The following TAFA2 variants were observed in gnomAD, a reference collection of about 807,000 sequenced individuals.
TAFA2 encodes the protein chemokine-like protein TAFA-2.
In TAFA2, 7 loss-of-function variants were observed where a neutral mutation model predicts 18.8. The ratio of observed to expected loss-of-function variants is 0.37; its 90% CI spans 0.21 to 0.70. TAFA2 has a LOEUF of 0.70. Ranked by LOEUF, TAFA2 falls within the 30% of genes least tolerant of loss-of-function variation. The pLI, the probability that TAFA2 is intolerant of heterozygous loss-of-function variation, is 0.53. For missense variants in TAFA2, 122 were observed against 158.1 expected, an observed-to-expected ratio of 0.77 and a Z score of 1.23; for synonymous variants, 60 against 54.2, an observed-to-expected ratio of 1.11 and a Z score of -0.47.
intron 1 of TAFA2, among the ~76,000 whole-genome samples, chr12:62,088,341 C>T (rs1868544674): frequency 6.6e-6 from 1 of 151,446 alleles, no homozygotes; most frequent in South Asian, 2.1e-4. Flanking sequence ...TTGAATTAGC[C>T]AACTAAAAGA....
intron 4 of TAFA2, among the ~76,000 whole-genome samples, chr12:61,731,753 G>A (rs888877128): frequency 6.6e-5 from 10 of 152,010 alleles, no homozygotes; most frequent in South Asian, 4.1e-4. Context: ...TTGAGGACAC[G>A]GAACCTCAGA....
chr12:62,061,930 G>T (rs348660), intron 1 of TAFA2, among the ~76,000 whole-genome samples: 55,157 of 151,898 alleles, frequency 0.36, 10,234 homozygotes, highest in African/African-American at 0.42. Flanking sequence ...CGGAGAAGAC[G>T]CAGCACCAAG....
intron 1 of TAFA2, among the ~76,000 whole-genome samples, chr12:61,919,620 C>T (rs899337663): frequency 6.6e-6 from 1 of 152,020 alleles, no homozygotes; most frequent in Admixed American, 6.6e-5. Flanking sequence ...TCAATACAAT[C>T]TTCCTGATCA....
chr12:62,168,532 T>C lies in TAFA2; in HGVS notation c.-2+22727A>G, dbSNP rs73315685. Among the ~76,000 whole-genome samples, 1,309 of 152,068 alleles carry C rather than the reference T, an allele frequency of 8.6e-3. 18 individuals are homozygous for C. Among genetic ancestry groups the C allele is most frequent in the African/African-American group, 0.03 (1,260 of 41,538 alleles). On this transcript the variant is annotated intron_variant, in intron 1 of 4. Transcript: ENST00000416284. The stretch of plus-strand genomic sequence containing the variant: ...AAGGAAAAAAGATATGAGGGGGAAG[T>C]ACAGGCCAACAGTTATTTAAGGCCA...
chr12:62,102,511 T>C (rs11174319), intron 1 of TAFA2, among the ~76,000 whole-genome samples: 8,445 of 152,268 alleles, frequency 0.055, 335 homozygotes, highest in South Asian at 0.091. Flanking sequence ...TTCCACATTG[T>C]TGCACCATAG....
At chr12:61,882,942 T>C (rs754748068) in intron 1 of TAFA2, among the ~76,000 whole-genome samples, 11 of 152,122 alleles carry the variant, frequency 7.2e-5, no homozygotes, top group Non-Finnish European at 1.2e-4. Flanking sequence ...TAAAAAAGTG[T>C]CTCTCAAGTT....
intron 1 of TAFA2, among the ~76,000 whole-genome samples, chr12:62,174,330 A>C (rs981347026): frequency 1.1e-4 from 16 of 150,404 alleles, no homozygotes; most frequent in African/African-American, 3.6e-4. Flanking sequence ...AAAAAGAAGA[A>C]GAAGGAAACG....
intron 1 of TAFA2, among the ~76,000 whole-genome samples, chr12:61,933,084 G>GA (rs1877628023): frequency 6.6e-6 from 1 of 152,078 alleles, no homozygotes; most frequent in Non-Finnish European, 1.5e-5. Context: ...TCTACATAGT[G>GA]AAAAAAGACC....
chr12:61,804,085 C>A (rs757226626), intron 2 of TAFA2, among the ~76,000 whole-genome samples: 1 of 151,930 alleles, frequency 6.6e-6, no homozygotes, highest in Non-Finnish European at 1.5e-5. Context: ...GATTCCTAGT[C>A]AAAATTCTTA....
intron 2 of TAFA2, among the ~76,000 whole-genome samples, chr12:61,786,072 T>C (rs1211030346): frequency 6.6e-6 from 1 of 151,512 alleles, no homozygotes; most frequent in Non-Finnish European, 1.5e-5. Flanking sequence ...CTAATCAGCA[T>C]TTGCTTATGA....
At chr12:61,717,123 C>A (rs1355293910) in intron 4 of TAFA2, among the ~76,000 whole-genome samples, 3 of 152,126 alleles carry the variant, frequency 2.0e-5, no homozygotes, top group South Asian at 4.2e-4. Flanking sequence ...GTGCTAAATG[C>A]GCAATTAAAA....
At chr12:61,885,016 A>G (rs1479000587) in intron 1 of TAFA2, among the ~76,000 whole-genome samples, 2 of 151,714 alleles carry the variant, frequency 1.3e-5, no homozygotes, top group African/African-American at 4.8e-5. Context: ...TGTAGGAAGC[A>G]TCTAAATTTA....
At chr12:61,964,170 G>T (rs1386826538) in intron 1 of TAFA2, among the ~76,000 whole-genome samples, 3 of 151,978 alleles carry the variant, frequency 2.0e-5, no homozygotes, top group African/African-American at 7.2e-5. Context: ...CATGGGCAAA[G>T]ACTTCATGAC....
chr12:61,923,594 C>G (rs1565682809), intron 1 of TAFA2, among the ~76,000 whole-genome samples: 1 of 152,090 alleles, frequency 6.6e-6, no homozygotes, highest in Admixed American at 6.5e-5. Context: ...TCACCAACAT[C>G]AAAGACCAAA....
At chr12:62,208,064 A>G (rs2062699459) in intron 1 of TAFA2, among the ~76,000 whole-genome samples, 1 of 152,194 alleles carries the variant, frequency 6.6e-6, no homozygotes. Flanking sequence ...TTGAATTCAG[A>G]GACCAGAACA....
intron 2 of TAFA2, among the ~76,000 whole-genome samples, chr12:61,770,270 T>C (rs761713484): frequency 2.0e-5 from 3 of 152,116 alleles, no homozygotes; most frequent in Non-Finnish European, 4.4e-5. Flanking sequence ...ATAATTCATG[T>C]TCCCAAGGAA....
intron 1 of TAFA2, among the ~76,000 whole-genome samples, chr12:62,151,273 A>G (rs1215159829): frequency 6.7e-6 from 1 of 149,138 alleles, no homozygotes. Flanking sequence ...TGTGCCTCTA[A>G]GAAGCAGAAT....
chr12:61,819,151 G>T (rs1471749253), intron 2 of TAFA2, among the ~76,000 whole-genome samples: 1 of 152,126 alleles, frequency 6.6e-6, no homozygotes, highest in African/African-American at 2.4e-5. Flanking sequence ...CAATAGGATG[G>T]AGTAGGTTTG....
intron 1 of TAFA2, among the ~76,000 whole-genome samples, chr12:62,163,900 T>C (rs779430977): frequency 2.6e-5 from 4 of 152,148 alleles, no homozygotes; most frequent in Admixed American, 6.6e-5. Context: ...AACACAGAGA[T>C]TGGGAGATGG....
Sources: allele counts gnomAD v4.1 joint callset (sites outside exome capture counted in the v4.1 genomes callset), GRCh38; gene constraint gnomAD v4.1.1; transcripts MANE v1.5; gene names NCBI Gene and HGNC (gene_info 2026-07-23, HGNC 2026-07-21).